Variants in TAOK3 observed in about 807,000 individuals in gnomAD.
TAOK3 encodes the protein serine/threonine-protein kinase TAO3.
A neutral mutation model predicts 120.4 loss-of-function variants in TAOK3; 40 were observed. The ratio of observed to expected loss-of-function variants is 0.33; its 90% confidence interval spans 0.26 to 0.43. The LOEUF is 0.43. Among genes scored for constraint, TAOK3 ranks in the 20% least tolerant of loss-of-function variants. TAOK3 has a pLI of 1.00. For synonymous variants in TAOK3, 355 were observed against 387.5 expected (o/e 0.92, Z 0.99); for missense variants, 821 against 1,112.1 (o/e 0.74, Z 3.72).
chr12:118,197,133 A>G (rs1207426303), intron 13 of TAOK3, among the ~76,000 whole-genome samples: 2 of 152,190 alleles, frequency 1.3e-5, no homozygotes, highest in African/African-American at 2.4e-5. Context: ...AAAAGATACC[A>G]TATCTTAAGT....
At chr12:118,290,215 T>C (rs553410338) in intron 1 of TAOK3, among the ~76,000 whole-genome samples, 1 of 152,146 alleles carries the variant, frequency 6.6e-6, no homozygotes, top group Admixed American at 6.5e-5. Flanking sequence ...AAAGGGCGTA[T>C]GAAATCCTCT....
rs554351343 is a variant in TAOK3 at position 118,232,080 on chromosome 12, C to A, written c.643+1594G>T. 2.0e-5 allele frequency among the ~76,000 whole-genome samples: 3 copies of A among 152,310 alleles called. No individual in the cohort carries two copies. The South Asian group carries it at 6.2e-4, about 32-fold the overall frequency. On this transcript the variant is annotated intron_variant, in intron 9 of 20. Transcript: ENST00000392533. Reference sequence around the variant, plus strand: ...GCTTTGGAAGGCCCATTGTGCACATCTTTCCCCATTTTCACATTTAGTGAA... The same window carrying A: ...GCTTTGGAAGGCCCATTGTGCACATATTTCCCCATTTTCACATTTAGTGAA...
At chr12:118,302,339 C>A (rs1356245720) in intron 1 of TAOK3, among the ~76,000 whole-genome samples, 2 of 152,194 alleles carry the variant, frequency 1.3e-5, no homozygotes, top group African/African-American at 2.4e-5. Context: ...TCTCTCTTGT[C>A]CACTGCTGAA....
At position 118,243,492 on chromosome 12, in the gene TAOK3, C is replaced by G; in HGVS notation, c.217G>C (p.Val73Leu). 7 of 1,512,418 alleles carry G rather than the reference C, an allele frequency of 4.6e-6. No individual in the cohort carries two copies. Among genetic ancestry groups the G allele is most frequent in the Non-Finnish European group, 5.3e-6 (6 of 1,132,840 alleles). 93.7% of individuals were successfully genotyped at this position (1,512,418 alleles called of 1,614,324 possible). Residue 73 changes from valine to leucine, a missense_variant, in exon 5 of 21, where the codon GTT becomes CTT. This residue lies in a region of TAOK3 where 467 missense variants were observed against 540.0 expected (regional missense o/e 0.86). Transcript: ENST00000392533. ...HEKWQDILKE[V>L]KFLRQLKHPN... ...TGCTTCAATTGTCGTAAAAATTTAA[C>G]TTCCTTAAGAATATCTTGCCATTTC...
At chr12:118,356,206 C>T (rs2045383311) in intron 1 of TAOK3, among the ~76,000 whole-genome samples, 1 of 151,988 alleles carries the variant, frequency 6.6e-6, no homozygotes, top group Non-Finnish European at 1.5e-5. Context: ...GGGAATGTAA[C>T]TGTCCCCTCC....
intron 1 of TAOK3, among the ~76,000 whole-genome samples, chr12:118,365,058 T>C (rs1489519228): frequency 6.6e-6 from 1 of 152,210 alleles, no homozygotes; most frequent in Non-Finnish European, 1.5e-5. Flanking sequence ...ATCAAGACTT[T>C]AGTAACTGCC....
At chr12:118,320,331 C>A (rs911172607) in intron 1 of TAOK3, among the ~76,000 whole-genome samples, 3 of 151,946 alleles carry the variant, frequency 2.0e-5, no homozygotes, top group African/African-American at 7.3e-5. Flanking sequence ...TGGCTCTTGC[C>A]TGTAACTCTA....
At chr12:118,168,998 T>A (rs943153294) in intron 17 of TAOK3, among the ~76,000 whole-genome samples, 9 of 127,736 alleles carry the variant, frequency 7.0e-5, no homozygotes, top group Middle Eastern at 3.4e-3. Flanking sequence ...CCTTCCTTCC[T>A]TCCTTTCTTT....
intron 15 of TAOK3, among the ~76,000 whole-genome samples, chr12:118,177,813 A>C (rs2036442179): frequency 6.6e-6 from 1 of 152,136 alleles, no homozygotes; most frequent in African/African-American, 2.4e-5. Context: ...ACAAGAGCAG[A>C]ACTCTGTCTC....
chr12:118,214,775 C>T (rs1469772066), intron 9 of TAOK3, among the ~76,000 whole-genome samples: 9 of 146,928 alleles, frequency 6.1e-5, no homozygotes, highest in Admixed American at 5.5e-4. Context: ...GATGGAGTTT[C>T]GCTCTTGTTG....
At chr12:118,246,031 A>G in intron 3 of TAOK3, 1 of 712,412 alleles carries the variant, frequency 1.4e-6, no homozygotes, top group Non-Finnish European at 2.2e-6. Context: ...TAATGTGAGT[A>G]TACGTGTAGA....
chr12:118,337,958 C>T (rs2044434770), intron 1 of TAOK3, among the ~76,000 whole-genome samples: 2 of 152,146 alleles, frequency 1.3e-5, no homozygotes, highest in Admixed American at 6.5e-5. Context: ...GGCTGTGATA[C>T]CATCTTATAG....
At chr12:118,203,506 A>G (rs896887816) in intron 11 of TAOK3, among the ~76,000 whole-genome samples, 2 of 152,036 alleles carry the variant, frequency 1.3e-5, no homozygotes, top group Non-Finnish European at 2.9e-5. Context: ...GGAGTTCAAG[A>G]CCAGCCTGGC....
chr12:118,214,105 G>A lies in TAOK3; in HGVS notation c.649C>T (p.Arg217Trp), dbSNP rs1454304643. The change falls in exon 10 of 21, where the codon CGG (arginine) becomes TGG (tryptophan). Residue 217 changes from arginine to tryptophan, a missense_variant. Physicochemically the swap from Arg to Trp is moderately radical, Grantham distance 101 (BLOSUM62 -3). Transcript: ENST00000392533. ...LGITCIELAE[R>W]KPPLFNMNAM... ...TTCATGTTGAAAAGGGGCGGCTTCC[G>A]TTCCGCTGGAAGAGGAAAGAAACAC... The A allele has an allele frequency of 1.0e-5, 16 of 1,607,890 alleles. No individual in the cohort carries two copies. The highest frequency in any genetic ancestry group is 2.2e-5 in the East Asian group (1 of 44,652).
At chr12:118,266,806 GA>G (rs898293202) in intron 1 of TAOK3, 47 bp from the exon 2 acceptor site, 1 of 390,940 alleles carries the variant, frequency 2.6e-6, no homozygotes, top group African/African-American at 2.1e-5. Context: ...CCAAATTAAA[GA>G]ATCAATAATT....
intron 1 of TAOK3, among the ~76,000 whole-genome samples, chr12:118,276,834 G>C (rs918584746): frequency 6.6e-6 from 1 of 151,972 alleles, no homozygotes; most frequent in South Asian, 2.1e-4. Flanking sequence ...GTAAAACCCC[G>C]TGTCTACTAA....
At chr12:118,317,997 G>A (rs1351991844) in intron 1 of TAOK3, among the ~76,000 whole-genome samples, 3 of 151,896 alleles carry the variant, frequency 2.0e-5, no homozygotes, top group South Asian at 2.1e-4. Context: ...TTCAACAAGG[G>A]TGCCAAGACA....
At chr12:118,201,888 A>T (rs1056795040) in intron 11 of TAOK3, among the ~76,000 whole-genome samples, 4 of 151,964 alleles carry the variant, frequency 2.6e-5, no homozygotes, top group Non-Finnish European at 5.9e-5. Flanking sequence ...TATAGTCCTC[A>T]TGCTGTACAC....
chr12:118,368,651 C>T (rs1379932094), intron 1 of TAOK3, among the ~76,000 whole-genome samples: 1 of 149,648 alleles, frequency 6.7e-6, no homozygotes, highest in Non-Finnish European at 1.5e-5. Context: ...AATAAAAATA[C>T]AAACATTAGC....
Sources: gnomAD v4.1 joint callset for allele counts (sites outside exome capture counted in the v4.1 genomes callset) on GRCh38, gnomAD v4.1.1 for gene constraint, gnomAD v4.1.1 regional missense constraint, MANE v1.5 for transcripts, NCBI Gene and HGNC (gene_info 2026-07-23, HGNC 2026-07-21) for gene names.